FAF1: variants seen among roughly 807,000 people sequenced by gnomAD.
FAF1 encodes the protein Fas associated factor 1.
A neutral mutation model predicts 92.5 loss-of-function variants in FAF1; 25 were observed. The ratio of observed to expected loss-of-function variants is 0.27; its 90% CI spans 0.20 to 0.38. The LOEUF (loss-of-function observed/expected upper bound fraction) is 0.38, where lower values mean the gene tolerates loss of function less well. FAF1 is among the 10% of genes least tolerant of loss of function. FAF1 has a pLI of 1.00. For missense variants in FAF1, 636 were observed against 793.3 expected (o/e 0.80, Z 2.38); for synonymous variants, 234 against 273.2 (o/e 0.86, Z 1.42).
chr1:50,923,071 A>C (rs1644977970), intron 1 of FAF1, among the ~76,000 whole-genome samples: 1 of 152,142 alleles, frequency 6.6e-6, no homozygotes, highest in Non-Finnish European at 1.5e-5. Context: ...TGAACAATGA[A>C]GAAATAGAAA....
intron 8 of FAF1, among the ~76,000 whole-genome samples, chr1:50,623,820 G>A (rs1653328083): frequency 6.6e-6 from 1 of 151,908 alleles, no homozygotes; most frequent in African/African-American, 2.4e-5. Context: ...GTATGCGCCT[G>A]TAGTCACAAC....
intron 4 of FAF1, among the ~76,000 whole-genome samples, chr1:50,759,425 G>C (rs1660227374): frequency 6.6e-6 from 1 of 151,100 alleles, no homozygotes; most frequent in Admixed American, 6.6e-5. Flanking sequence ...TCTTGTGATA[G>C]TTTACTGAGA....
chr1:50,699,913 A>AATT (rs1178818693), intron 7 of FAF1, among the ~76,000 whole-genome samples: 1 of 152,186 alleles, frequency 6.6e-6, no homozygotes, highest in Non-Finnish European at 1.5e-5. Flanking sequence ...ATTCATGTTA[A>AATT]AACACAAAGA....
At chr1:50,777,423 T>C (rs1035664111) in intron 4 of FAF1, among the ~76,000 whole-genome samples, 1 of 152,040 alleles carries the variant, frequency 6.6e-6, no homozygotes, top group South Asian at 2.1e-4. Context: ...ACTCTGTCAC[T>C]TAAGAGAAAA....
chr1:50,506,403 C>G (rs1476475189), intron 15 of FAF1, among the ~76,000 whole-genome samples: 1 of 152,136 alleles, frequency 6.6e-6, no homozygotes, highest in Non-Finnish European at 1.5e-5. Context: ...GACTCTCTGC[C>G]TTTGTCCATC....
intron 8 of FAF1, among the ~76,000 whole-genome samples, chr1:50,606,214 A>G (rs1652382973): frequency 6.6e-6 from 1 of 152,210 alleles, no homozygotes; most frequent in Admixed American, 6.5e-5. Context: ...CAGAATTGGT[A>G]TCATTTAAGT....
At chr1:50,916,914 A>G (rs1329875930) in intron 1 of FAF1, among the ~76,000 whole-genome samples, 4 of 152,234 alleles carry the variant, frequency 2.6e-5, no homozygotes, top group African/African-American at 4.8e-5. Context: ...ATAAGGAGAA[A>G]TGAACCAAGC....
intron 1 of FAF1, among the ~76,000 whole-genome samples, chr1:50,870,179 G>A (rs1420450430): frequency 3.9e-5 from 6 of 152,164 alleles, no homozygotes; most frequent in Non-Finnish European, 2.9e-5. Flanking sequence ...TGAAGGGGCC[G>A]GGCACATTGG....
At chr1:50,567,409 C>T (rs1650223644) in intron 12 of FAF1, among the ~76,000 whole-genome samples, 178 bp from the exon 13 acceptor site, 1 of 152,014 alleles carries the variant, frequency 6.6e-6, no homozygotes, top group Admixed American at 6.6e-5. Flanking sequence ...AAAAATTTTA[C>T]TTTCTTACAC....
At chr1:50,450,190 T>A (rs1646278062) in intron 18 of FAF1, among the ~76,000 whole-genome samples, 2 of 136,710 alleles carry the variant, frequency 1.5e-5, no homozygotes, top group East Asian at 2.1e-4. Context: ...CAAGACTCCA[T>A]CTCAAAAAAA....
At chr1:50,935,763 C>T (rs1224213986) in intron 1 of FAF1, among the ~76,000 whole-genome samples, 1 of 152,190 alleles carries the variant, frequency 6.6e-6, no homozygotes, top group East Asian at 1.9e-4. Flanking sequence ...TGAGCTACTA[C>T]GTCCAGCCAG....
chr1:50,461,710 TA>T (rs1312399898), intron 18 of FAF1, among the ~76,000 whole-genome samples: 3 of 152,220 alleles, frequency 2.0e-5, no homozygotes, highest in East Asian at 1.9e-4. Context: ...GCTGGTTTGG[TA>T]AAACAGAAGA....
chr1:50,876,992 A>T (rs1644577236), intron 1 of FAF1, among the ~76,000 whole-genome samples: 3 of 152,258 alleles, frequency 2.0e-5, no homozygotes. Context: ...TAATAAATAA[A>T]TAAACAGGGA....
chr1:50,520,992 ATTCC>A (rs1647469032), intron 15 of FAF1, among the ~76,000 whole-genome samples: 1 of 152,152 alleles, frequency 6.6e-6, no homozygotes, highest in Non-Finnish European at 1.5e-5. Flanking sequence ...TAGATGACAA[ATTCC>A]TTAAAGAACA....
In FAF1 at chr1:50,478,277, C is replaced by T. The variant is rs145761389; in HGVS notation, c.1654-2598G>A. Among the ~76,000 whole-genome samples the T allele has an allele frequency of 1.1e-3, 171 of 152,110 alleles. 3 individuals are homozygous for T. The East Asian group carries it at 0.029, about 25-fold the overall frequency. On this transcript the variant is annotated intron_variant, in intron 17 of 18. Coordinates refer to ENST00000396153, the MANE Select transcript of FAF1 (RefSeq NM_007051.3). ...CTCCCAGGTTCAAGCGATTCTCCCACCTCAGCCTCCCGAGTAGCTGGGATT... is the reference window on the plus strand; with the variant it reads ...CTCCCAGGTTCAAGCGATTCTCCCATCTCAGCCTCCCGAGTAGCTGGGATT...
chr1:50,709,065 GCCTTT>G (rs2124430214), intron 6 of FAF1, among the ~76,000 whole-genome samples: 1 of 152,316 alleles, frequency 6.6e-6, no homozygotes, highest in African/African-American at 2.4e-5. Context: ...AGGTTTGAAG[GCCTTT>G]CAAAGGTAGA....
At chr1:50,523,534 C>T (rs1470902262) in intron 15 of FAF1, among the ~76,000 whole-genome samples, 1 of 152,152 alleles carries the variant, frequency 6.6e-6, no homozygotes, top group Non-Finnish European at 1.5e-5. Flanking sequence ...AGCATCTTTC[C>T]ATGAGCTTGT....
In FAF1 at chr1:50,859,346, T is replaced by C. The variant is rs1034859431; in HGVS notation, c.46-1349A>G. 7.9e-5 allele frequency among the ~76,000 whole-genome samples: 12 copies of C among 151,990 alleles called. No homozygotes were observed. In the South Asian group the frequency reaches 2.5e-3, roughly 32 times the overall value. On this transcript the variant is annotated intron_variant, in intron 1 of 18. Transcript: ENST00000396153. Reference sequence around the variant, plus strand: ...CTATCTCACTTCATAAATAATATGATTCTGTATCTAGAAAACCCTAAAGAC... The same window carrying C: ...CTATCTCACTTCATAAATAATATGACTCTGTATCTAGAAAACCCTAAAGAC...
At chr1:50,630,644 A>G (rs1351205269) in intron 8 of FAF1, among the ~76,000 whole-genome samples, 3 of 152,106 alleles carry the variant, frequency 2.0e-5, no homozygotes, top group Non-Finnish European at 2.9e-5. Context: ...ACATAATATT[A>G]AAGACCTTCT....
Sources: gnomAD v4.1 joint callset for allele counts (sites outside exome capture counted in the v4.1 genomes callset) on GRCh38, gnomAD v4.1.1 for gene constraint, MANE v1.5 for transcripts, NCBI Gene and HGNC (gene_info 2026-07-23, HGNC 2026-07-21) for gene names.